SH3GL3: variants seen among roughly 807,000 people sequenced by gnomAD.
The protein encoded by SH3GL3 is endophilin-A3.
A neutral mutation model predicts 47.7 loss-of-function variants in SH3GL3; 33 were observed. The observed-to-expected ratio is 0.69, with a 90% CI of 0.52 to 0.92. The LOEUF (loss-of-function observed/expected upper bound fraction) is 0.92, where lower values mean the gene tolerates loss of function less well. Among genes scored for constraint, SH3GL3 ranks in the 40% least tolerant of loss-of-function variants. The probability of loss-of-function intolerance (pLI) is 0.00; values close to 1 mark genes in which losing one functional copy is unlikely to be tolerated. For missense variants in SH3GL3, 363 were observed against 417.8 expected (o/e 0.87, Z 1.14); for synonymous variants, 155 against 148.8 (o/e 1.04, Z -0.30).
chr15:83,522,621 C>T (rs1386400891), intron 1 of SH3GL3, among the ~76,000 whole-genome samples: 3 of 152,216 alleles, frequency 2.0e-5, no homozygotes, highest in Non-Finnish European at 4.4e-5. Context: ...CCACTAATCA[C>T]AATTTCTTTT....
chr15:83,616,499 C>T (rs2060822848), intron 8 of SH3GL3, among the ~76,000 whole-genome samples: 1 of 152,128 alleles, frequency 6.6e-6, no homozygotes, highest in African/African-American at 2.4e-5. Flanking sequence ...GCCTCAGCCT[C>T]CCAAAGTGCT....
chr15:83,610,323 G>A (rs1022196334), intron 8 of SH3GL3, among the ~76,000 whole-genome samples: 3 of 152,162 alleles, frequency 2.0e-5, no homozygotes, highest in Non-Finnish European at 2.9e-5. Context: ...GATCACTTAA[G>A]CCCTGAAGTT....
chr15:83,612,421 G>T (rs2060692428), intron 8 of SH3GL3, among the ~76,000 whole-genome samples: 1 of 152,220 alleles, frequency 6.6e-6, no homozygotes, highest in Non-Finnish European at 1.5e-5. Flanking sequence ...GGAGCCGTGT[G>T]TCACTGCCCC....
intron 3 of SH3GL3, 96 bp downstream of exon 3, chr15:83,565,302 G>A (rs754796115): frequency 1.2e-5 from 9 of 775,338 alleles, no homozygotes; most frequent in African/African-American, 3.4e-5. Flanking sequence ...AAACAATGTC[G>A]TCTGTGTCCC....
At chr15:83,500,171 G>A (rs1334197458) in intron 1 of SH3GL3, among the ~76,000 whole-genome samples, 2 of 152,142 alleles carry the variant, frequency 1.3e-5, no homozygotes, top group Admixed American at 1.3e-4. Context: ...TGACTTTATT[G>A]TGGTTCCCAG....
intron 6 of SH3GL3, among the ~76,000 whole-genome samples, chr15:83,580,183 G>C (rs2059795094): frequency 6.6e-6 from 1 of 152,162 alleles, no homozygotes; most frequent in Admixed American, 6.5e-5. Context: ...TCAACCTCTT[G>C]TTGCCATGTT....
chr15:83,604,865 GT>G (rs1047164564), intron 8 of SH3GL3, among the ~76,000 whole-genome samples: 5 of 152,198 alleles, frequency 3.3e-5, no homozygotes, highest in African/African-American at 1.2e-4. Flanking sequence ...CTAGGGGAAT[GT>G]TATGAAATGG....
chr15:83,551,160 G>A (rs1173838593), intron 1 of SH3GL3, among the ~76,000 whole-genome samples: 1 of 152,128 alleles, frequency 6.6e-6, no homozygotes, highest in African/African-American at 2.4e-5. Context: ...CTCGGTTGTA[G>A]GCTTTGAAAA....
At chr15:83,610,980 A>AAAATAT (rs71453206) in intron 8 of SH3GL3, among the ~76,000 whole-genome samples, 93 of 147,040 alleles carry the variant, frequency 6.3e-4, no homozygotes, top group African/African-American at 1.3e-3. Context: ...TCAGCCAAAA[A>AAAATAT]ATATATATAT....
intron 4 of SH3GL3, among the ~76,000 whole-genome samples, chr15:83,569,440 G>A (rs1896802): frequency 0.098 from 14,908 of 152,036 alleles, 873 homozygotes; most frequent in East Asian, 0.24. Flanking sequence ...ATTTTACATA[G>A]CATTTACAAT....
chr15:83,525,325 T>C (rs562600442), intron 1 of SH3GL3, among the ~76,000 whole-genome samples: 75 of 150,316 alleles, frequency 5.0e-4, no homozygotes, highest in African/African-American at 1.8e-3. Flanking sequence ...CTATTCAATA[T>C]GCTATTTTAA....
At chr15:83,513,078 T>C (rs1370858825) in intron 1 of SH3GL3, among the ~76,000 whole-genome samples, 2 of 152,192 alleles carry the variant, frequency 1.3e-5, no homozygotes, top group African/African-American at 4.8e-5. Flanking sequence ...GTTGTACTTT[T>C]CCTGCTGTGA....
chr15:83,627,193 A>G, the SH3GL3 span, among the ~76,000 whole-genome samples: 1 of 152,064 alleles, frequency 6.6e-6, no homozygotes. Flanking sequence ...GTCAGCAGAC[A>G]GAGACCATCC....
At chr15:83,472,385 T>C (rs1170264274) in intron 1 of SH3GL3, among the ~76,000 whole-genome samples, 2 of 152,136 alleles carry the variant, frequency 1.3e-5, no homozygotes, top group African/African-American at 4.8e-5. Flanking sequence ...GCAGCTTTGT[T>C]CTTTGTCTTA....
downstream of SH3GL3, among the ~76,000 whole-genome samples, chr15:83,623,580 G>A (rs569285980): frequency 5.3e-5 from 8 of 152,292 alleles, no homozygotes; most frequent in Admixed American, 2.0e-4. Flanking sequence ...CACAGGCTGC[G>A]CCTGCTACCA....
chr15:83,501,937 C>G (rs2042315539), intron 1 of SH3GL3, among the ~76,000 whole-genome samples: 1 of 152,078 alleles, frequency 6.6e-6, no homozygotes, highest in African/African-American at 2.4e-5. Flanking sequence ...TTTTTAGACA[C>G]AGTTTGCAGG....
rs186429021 is a variant in SH3GL3, at chr15:83,505,812, G to T, written c.46-53441G>T. On this transcript the variant is annotated intron_variant, in intron 1 of 8. Coordinates refer to ENST00000427482, the MANE Select transcript of SH3GL3 (RefSeq NM_003027.5). ...CCTGAAGTGCTGGGATTACAGGCAT[G>T]AGCCACTGCGTCCGGCCTGAATTTC... is the stretch of plus-strand genomic sequence containing the variant. Among the ~76,000 whole-genome samples the T allele has an allele frequency of 2.2e-3, 338 of 152,290 alleles. 5 individuals are homozygous for T. The highest frequency in any genetic ancestry group is 0.019 in the Admixed American group (292 of 15,298).
intron 1 of SH3GL3, among the ~76,000 whole-genome samples, chr15:83,539,196 A>G (rs1467481681): frequency 2.6e-5 from 4 of 152,214 alleles, no homozygotes; most frequent in East Asian, 3.8e-4. Context: ...CAAAAATACC[A>G]TAGACTAAAT....
rs1335157921 is a variant in SH3GL3, at chr15:83,482,499, T to TG, written c.45+34921_45+34922insG. On this transcript the variant is annotated intron_variant, in intron 1 of 8. Transcript: ENST00000427482. ...ATTAGTCTGTTGAGCCTTCTTAAGT[T>TG]TTTTTTTTTTTGATTCAAAGTGTCG... Among the ~76,000 whole-genome samples, 13 of 150,726 alleles carry TG rather than the reference T, an allele frequency of 8.6e-5. No homozygotes were observed. In the East Asian group the frequency reaches 2.5e-3, roughly 29 times the overall value.
Sources: gnomAD v4.1 joint callset for allele counts (sites outside exome capture counted in the v4.1 genomes callset) on GRCh38, gnomAD v4.1.1 for gene constraint, MANE v1.5 for transcripts, NCBI Gene and HGNC (gene_info 2026-07-23, HGNC 2026-07-21) for gene names.